The following ALKBH5 variants were observed in gnomAD, a reference collection of about 807,000 sequenced individuals.
ALKBH5 encodes the protein alkB homolog 5, RNA demethylase, also known as RNA demethylase ALKBH5.
A neutral mutation model predicts 32.1 loss-of-function variants in ALKBH5; 2 were observed. That is an observed-to-expected ratio of 0.06 (90% CI 0.03 to 0.20). The LOEUF is 0.20. ALKBH5 is among the 10% of genes least tolerant of loss of function. The probability of loss-of-function intolerance (pLI) is 1.00; values close to 1 mark genes in which losing one functional copy is unlikely to be tolerated. For missense variants in ALKBH5, 352 were observed against 559.5 expected (o/e 0.63, Z 3.74); for synonymous variants, 300 against 231.7 (o/e 1.29, Z -2.68).
At chr17:18,201,798 T>TAGATAGATAGATAGGATAGATA (rs2047240040) in intron 2 of ALKBH5, among the ~76,000 whole-genome samples, 1 of 52,900 alleles carries the variant, frequency 1.9e-5, no homozygotes, top group Non-Finnish European at 4.1e-5. Flanking sequence ...ATAGATAAGA[T>TAGATAGATAGATAGGATAGATA]AGATAGATAG....
chr17:18,204,992 G>A (rs538413530), intron 2 of ALKBH5, among the ~76,000 whole-genome samples: 3 of 151,782 alleles, frequency 2.0e-5, no homozygotes, highest in African/African-American at 2.4e-5. Context: ...CAAGGCTGCA[G>A]TGAGTTATGA....
chr17:18,206,532 G>C, intron 2 of ALKBH5: 1 of 317,032 alleles, frequency 3.2e-6, no homozygotes, highest in Admixed American at 4.6e-5. Flanking sequence ...TCAGCTAAGA[G>C]CGAGCCCTGG....
rs1355794523 is a variant in ALKBH5, at chr17:18,184,330, G to GGCCGCC, written c.93_98dup (p.Ala36_Ala37dup). ...ACAACTATAAGGCGGGCAGCCGGGAGGCCGCCGCCGCTGCCGCAGCCGCCG... is the reference window on the plus strand; with the variant it reads ...ACAACTATAAGGCGGGCAGCCGGGAGGCCGCCGCCGCCGCCGCTGCCGCAGCCGCCG... On this transcript the variant is annotated inframe_insertion, in exon 1 of 4. Transcript: ENST00000399138. The GGCCGCC allele has an allele frequency of 8.1e-5, 123 of 1,511,974 alleles. 1 individual carries two copies. The East Asian group carries it at 3.1e-3, about 38-fold the overall frequency. The allele number at this position is 1,511,974 out of a possible 1,614,324, so 93.7% of individuals were successfully genotyped here. A position where few individuals can be genotyped will look rare whatever the true frequency, so the allele number is the denominator to read the frequency against.
intron 1 of ALKBH5, among the ~76,000 whole-genome samples, chr17:18,186,301 A>G (rs1416637092): frequency 6.6e-6 from 1 of 152,158 alleles, no homozygotes; most frequent in Non-Finnish European, 1.5e-5. Context: ...TCAGATCTTC[A>G]TGGCGCTCCT....
rs531282214 is a variant in ALKBH5, at chr17:18,202,942, C to T, written c.852-3873C>T. 1.8e-4 allele frequency among the ~76,000 whole-genome samples: 27 copies of T among 151,972 alleles called. 1 individual carries two copies. The highest frequency in any genetic ancestry group is 1.7e-3 in the Admixed American group (26 of 15,252). On this transcript the variant is annotated intron_variant, in intron 2 of 3. Coordinates refer to ENST00000399138, the MANE Select transcript of ALKBH5 (RefSeq NM_017758.4). ...TACAAAAATTAGCTGGGCATGGTGG[C>T]GTGCACCTGTAGTCCCAGCTACTCA...
chr17:18,207,520 A>G (rs2142492310), intron 3 of ALKBH5, among the ~76,000 whole-genome samples: 1 of 152,186 alleles, frequency 6.6e-6, no homozygotes, highest in African/African-American at 2.4e-5. Flanking sequence ...AAAATTAGCC[A>G]GGCGTGGTGG....
At position 18,209,736 on chromosome 17, in the gene ALKBH5, C is replaced by T. The variant is rs1256027362; in HGVS notation, c.*1340C>T. The T allele has an allele frequency of 6.6e-6, 1 of 152,508 alleles. No individual in the cohort carries two copies. The highest frequency in any genetic ancestry group is 1.5e-5 in the Non-Finnish European group (1 of 68,034). The allele number at this position is 152,508 out of a possible 1,614,324, so 9.4% of individuals were successfully genotyped here. A position where few individuals can be genotyped will look rare whatever the true frequency, so the allele number is the denominator to read the frequency against. ...AGGTCCGGGTCTGAGACCTCATAGG[C>T]TGCAGAAATCTGGGGCAGCCACCAT... On this transcript the variant is annotated 3_prime_UTR_variant, in exon 4 of 4. Coordinates refer to ENST00000399138, the MANE Select transcript of ALKBH5 (RefSeq NM_017758.4).
chr17:18,195,118 C>T (rs2047197747), intron 2 of ALKBH5, 83 bp downstream of exon 2: 3 of 1,161,570 alleles, frequency 2.6e-6, no homozygotes, highest in Admixed American at 4.0e-5. Flanking sequence ...GAACTCAGCT[C>T]CTATGTATCA....
intron 1 of ALKBH5, among the ~76,000 whole-genome samples, chr17:18,193,399 TAGAC>T (rs976411772): frequency 7.3e-5 from 11 of 151,634 alleles, no homozygotes; most frequent in African/African-American, 1.5e-4. Flanking sequence ...TAACAAAAAT[TAGAC>T]AGGCGTGGTG....
At chr17:18,204,238 G>T (rs1285076545) in intron 2 of ALKBH5, among the ~76,000 whole-genome samples, 2 of 152,132 alleles carry the variant, frequency 1.3e-5, no homozygotes, top group African/African-American at 4.8e-5. Flanking sequence ...GATCACCTGA[G>T]GTCGGGAGTT....
intron 1 of ALKBH5, among the ~76,000 whole-genome samples, chr17:18,187,236 A>G (rs762091251): frequency 2.0e-5 from 3 of 152,018 alleles, no homozygotes; most frequent in Non-Finnish European, 4.4e-5. Context: ...AAAAGTGACT[A>G]GGAATGAGCC....
At chr17:18,195,141 A>G in intron 2 of ALKBH5, 106 bp downstream of exon 2, 1 of 830,018 alleles carries the variant, frequency 1.2e-6, no homozygotes. Context: ...GGCATGGCAG[A>G]GTGGAGAGCA....
At chr17:18,185,153 G>C (rs2047130523) in intron 1 of ALKBH5, 140 bp downstream of exon 1, 2 of 1,424,118 alleles carry the variant, frequency 1.4e-6, no homozygotes, top group East Asian at 2.3e-5. Context: ...TAGGGAGCGA[G>C]AGAAGGGTTT....
Position 18,183,979 on chromosome 17 carries a change from C to T in ALKBH5, c.-265C>T, listed in dbSNP as rs1401368384. The T allele has an allele frequency of 7.8e-6, 5 of 638,224 alleles. No individual in the cohort carries two copies. The highest frequency in any genetic ancestry group is 7.5e-5 in the African/African-American group (4 of 53,110). 39.5% of individuals were successfully genotyped at this position (638,224 alleles called of 1,614,324 possible). A position where few individuals can be genotyped will look rare whatever the true frequency, so the allele number is the denominator to read the frequency against. On this transcript the variant is annotated 5_prime_UTR_variant, in exon 1 of 4. Transcript: ENST00000399138. ...CGCAGCAGCCCTCCGCGGCATGAGG[C>T]GCTGCCGGCGCCCCTGCCCCGCGGG... is the stretch of plus-strand genomic sequence containing the variant.
intron 2 of ALKBH5, among the ~76,000 whole-genome samples, chr17:18,199,124 AT>A (rs1341003972): frequency 3.9e-5 from 6 of 152,132 alleles, no homozygotes; most frequent in Admixed American, 3.9e-4. Flanking sequence ...GGAGAATGTT[AT>A]GAGTATGTAG....
intron 2 of ALKBH5, 64 bp from the exon 3 acceptor site, chr17:18,206,751 G>T: frequency 6.4e-7 from 1 of 1,572,326 alleles, no homozygotes; most frequent in Non-Finnish European, 8.7e-7. Context: ...CAGAGAATTG[G>T]TCTGATGGTG....
chr17:18,195,494 A>T (rs2047199352), intron 2 of ALKBH5, among the ~76,000 whole-genome samples: 1 of 152,294 alleles, frequency 6.6e-6, no homozygotes, highest in East Asian at 1.9e-4. Context: ...GGAGGTTAGG[A>T]TGTAGTATTC....
At chr17:18,189,061 C>T (rs776615148) in intron 1 of ALKBH5, among the ~76,000 whole-genome samples, 3 of 150,656 alleles carry the variant, frequency 2.0e-5, no homozygotes, top group Non-Finnish European at 2.9e-5. Context: ...AGTGAGACTC[C>T]GTCTCAAAAA....
At chr17:18,194,881 G>C (rs2047196744) in intron 1 of ALKBH5, 74 bp from the exon 2 acceptor site, 1 of 1,333,750 alleles carries the variant, frequency 7.5e-7, no homozygotes, top group Non-Finnish European at 1.1e-6. Context: ...CCATGTTCCT[G>C]TCCTGTTATA....
Sources: gnomAD v4.1 joint callset for allele counts (sites outside exome capture counted in the v4.1 genomes callset) on GRCh38, gnomAD v4.1.1 for gene constraint, MANE v1.5 for transcripts, NCBI Gene and HGNC (gene_info 2026-07-23, HGNC 2026-07-21) for gene names.